CHST11: variants seen among roughly 807,000 people sequenced by gnomAD.
CHST11 encodes carbohydrate sulfotransferase 11, also known as C4S-1.
In CHST11, 9 loss-of-function variants were observed where a neutral mutation model predicts 30.4. The observed-to-expected ratio is 0.30, with a 90% CI of 0.18 to 0.52. The LOEUF (loss-of-function observed/expected upper bound fraction) is 0.52, where lower values mean the gene tolerates loss of function less well. Among genes scored for constraint, CHST11 ranks in the 20% least tolerant of loss-of-function variants. CHST11 has a pLI of 0.97. For synonymous variants in CHST11, 152 were observed against 187.8 expected, an observed-to-expected ratio of 0.81 and a Z score of 1.56; for missense variants, 348 against 460.6, an observed-to-expected ratio of 0.76 and a Z score of 2.24.
intron 2 of CHST11, among the ~76,000 whole-genome samples, chr12:104,720,448 C>T (rs1034013579): frequency 1.3e-5 from 2 of 152,212 alleles, no homozygotes; most frequent in Non-Finnish European, 2.9e-5. Flanking sequence ...TTCCAGACCC[C>T]GCACGGTATT....
At chr12:104,657,323 A>G (rs1338338256) in intron 2 of CHST11, among the ~76,000 whole-genome samples, 1 of 152,222 alleles carries the variant, frequency 6.6e-6, no homozygotes, top group Non-Finnish European at 1.5e-5. Flanking sequence ...AGTTATTGTC[A>G]GCGATTTGTG....
intron 1 of CHST11, among the ~76,000 whole-genome samples, chr12:104,579,791 G>A (rs894633622): frequency 6.6e-6 from 1 of 152,182 alleles, no homozygotes; most frequent in Non-Finnish European, 1.5e-5. Flanking sequence ...TCCCACAGAT[G>A]GAAGGTAATT....
At chr12:104,624,530 G>T (rs2039192816) in intron 2 of CHST11, among the ~76,000 whole-genome samples, 1 of 129,796 alleles carries the variant, frequency 7.7e-6, no homozygotes, top group Non-Finnish European at 1.7e-5. Context: ...TGAATGAAGG[G>T]AAAAATGAAT....
intron 1 of CHST11, among the ~76,000 whole-genome samples, chr12:104,550,768 CCTT>C (rs572957241): frequency 5.9e-5 from 9 of 152,220 alleles, no homozygotes; most frequent in African/African-American, 9.7e-5. Flanking sequence ...ACAGCGAACT[CCTT>C]CTTATTCCAC....
chr12:104,699,710 A>G (rs568466065), intron 2 of CHST11, among the ~76,000 whole-genome samples: 1 of 152,330 alleles, frequency 6.6e-6, no homozygotes, highest in Admixed American at 6.5e-5. Context: ...CTTCTCTTAT[A>G]TCTGTAATAT....
At chr12:104,481,026 C>T (rs1240323398) in intron 1 of CHST11, among the ~76,000 whole-genome samples, 1 of 152,194 alleles carries the variant, frequency 6.6e-6, no homozygotes, top group Non-Finnish European at 1.5e-5. Flanking sequence ...CACCCCTGTG[C>T]CGGGATGTGA....
chr12:104,671,025 G>C (rs1418362233), intron 2 of CHST11, among the ~76,000 whole-genome samples: 1 of 152,230 alleles, frequency 6.6e-6, no homozygotes, highest in Non-Finnish European at 1.5e-5. Context: ...TGTTGGGCAG[G>C]TGAGAAGCCC....
chr12:104,486,319 T>A (rs1035782144), intron 1 of CHST11, among the ~76,000 whole-genome samples: 2 of 142,362 alleles, frequency 1.4e-5, no homozygotes, highest in African/African-American at 2.7e-5. Context: ...TTTTTTTTTT[T>A]AATGACACAG....
At chr12:104,661,385 TCTACTA>T (rs547139030) in intron 2 of CHST11, among the ~76,000 whole-genome samples, 11 of 151,894 alleles carry the variant, frequency 7.2e-5, no homozygotes, top group African/African-American at 2.7e-4. Context: ...ATACCCCATC[TCTACTA>T]CTACTACTAC....
intron 1 of CHST11, among the ~76,000 whole-genome samples, chr12:104,478,603 G>A (rs1379141180): frequency 1.3e-5 from 2 of 152,156 alleles, no homozygotes; most frequent in African/African-American, 4.8e-5. Flanking sequence ...AGTTAGCTTC[G>A]GTTATCTGTA....
chr12:104,677,706 G>T (rs548786350), intron 2 of CHST11, among the ~76,000 whole-genome samples: 2 of 152,256 alleles, frequency 1.3e-5, no homozygotes, highest in African/African-American at 4.8e-5. Flanking sequence ...CAAATGTGGC[G>T]CATAGCTGCG....
At chr12:104,698,284 C>G (rs935781306) in intron 2 of CHST11, among the ~76,000 whole-genome samples, 2 of 152,136 alleles carry the variant, frequency 1.3e-5, no homozygotes, top group African/African-American at 4.8e-5. Flanking sequence ...ATCTTCTCCA[C>G]CTCCTCACCC....
chr12:104,571,579 G>A (rs568182340), intron 1 of CHST11, among the ~76,000 whole-genome samples: 2 of 152,196 alleles, frequency 1.3e-5, no homozygotes, highest in African/African-American at 4.8e-5. Flanking sequence ...ATCAGAGAGG[G>A]TCATGGCTTG....
At chr12:104,736,609 G>C (rs763842240) in intron 2 of CHST11, among the ~76,000 whole-genome samples, 1 of 152,212 alleles carries the variant, frequency 6.6e-6, no homozygotes, top group Non-Finnish European at 1.5e-5. Context: ...GCAGTGGTGG[G>C]CTGTTGGGCT....
chr12:104,563,568 C>T (rs1456973577), intron 1 of CHST11, among the ~76,000 whole-genome samples: 1 of 152,214 alleles, frequency 6.6e-6, no homozygotes. Context: ...TCCAGTGTGC[C>T]ATGCATGAAT....
chr12:104,485,602 C>A (rs1041713532), intron 1 of CHST11, among the ~76,000 whole-genome samples: 2 of 152,170 alleles, frequency 1.3e-5, no homozygotes, highest in Admixed American at 1.3e-4. Context: ...GTGACAATGG[C>A]AGAAACAATC....
chr12:104,591,244 T>C (rs1292497883), intron 1 of CHST11, among the ~76,000 whole-genome samples: 1 of 152,132 alleles, frequency 6.6e-6, no homozygotes, highest in Non-Finnish European at 1.5e-5. Context: ...TGTTCTAAGA[T>C]GGTGGCAGGT....
intron 2 of CHST11, among the ~76,000 whole-genome samples, chr12:104,688,653 G>T (rs116515921): frequency 1.0e-3 from 156 of 152,244 alleles, no homozygotes; most frequent in African/African-American, 3.5e-3. Context: ...AAATGTTAAG[G>T]ATCCTTAAGG....
intron 2 of CHST11, among the ~76,000 whole-genome samples, chr12:104,674,917 C>T (rs551325516): frequency 2.0e-4 from 30 of 152,254 alleles, no homozygotes; most frequent in African/African-American, 6.3e-4. Context: ...TAACATTTAA[C>T]GCATTAAATG....
Sources: allele counts gnomAD v4.1 joint callset (sites outside exome capture counted in the v4.1 genomes callset), GRCh38; gene constraint gnomAD v4.1.1; transcripts MANE v1.5; gene names NCBI Gene and HGNC (gene_info 2026-07-23, HGNC 2026-07-21).